The following LSAMP variants were observed in gnomAD, a reference collection of about 807,000 sequenced individuals.
LSAMP encodes the protein limbic system-associated membrane protein.
A neutral mutation model predicts 38.6 loss-of-function variants in LSAMP; 7 were observed. That is an observed-to-expected ratio of 0.18 (90% CI 0.10 to 0.34). The LOEUF (loss-of-function observed/expected upper bound fraction) is 0.34, where lower values mean the gene tolerates loss of function less well. Among genes scored for constraint, LSAMP ranks in the 10% least tolerant of loss-of-function variants. The pLI, the probability that LSAMP is intolerant of heterozygous loss-of-function variation, is 1.00. For synonymous variants in LSAMP, 154 were observed against 166.8 expected (o/e 0.92, Z 0.59); for missense variants, 313 against 420.0 (o/e 0.75, Z 2.23).
intron 1 of LSAMP, among the ~76,000 whole-genome samples, chr3:116,180,158 C>G (rs967167708): frequency 2.0e-5 from 3 of 152,036 alleles, no homozygotes; most frequent in Non-Finnish European, 4.4e-5. Context: ...ATGTCAGGTG[C>G]TATGCTTTGT....
In LSAMP at chr3:116,123,983, A is replaced by G. The variant is rs114124013; in HGVS notation, c.156-37427T>C. Among the ~76,000 whole-genome samples, 827 of 152,324 alleles carry G rather than the reference A, an allele frequency of 5.4e-3. 4 individuals carry two copies. The highest frequency in any genetic ancestry group is 0.019 in the African/African-American group (786 of 41,586). On this transcript the variant is annotated intron_variant, in intron 1 of 6. Coordinates refer to ENST00000490035, the MANE Select transcript of LSAMP (RefSeq NM_002338.5). ...TAAAAAGACTGTTCACTCAGGAACTATAAGAGTATAATTTTGGGGCAAAGG... is the reference window on the plus strand; with the variant it reads ...TAAAAAGACTGTTCACTCAGGAACTGTAAGAGTATAATTTTGGGGCAAAGG...
intron 1 of LSAMP, among the ~76,000 whole-genome samples, chr3:116,278,870 G>C (rs2047087810): frequency 2.6e-5 from 4 of 152,116 alleles, no homozygotes; most frequent in Admixed American, 2.6e-4. Flanking sequence ...TTACTCATCT[G>C]TCTCAAAGAA....
intron 6 of LSAMP, among the ~76,000 whole-genome samples, chr3:115,818,801 T>C (rs867343619): frequency 0.019 from 2,121 of 110,708 alleles, 182 homozygotes; most frequent in African/African-American, 0.051. Context: ...TATATATATA[T>C]ATATATATAT....
intron 1 of LSAMP, among the ~76,000 whole-genome samples, chr3:116,176,165 A>T (rs773020172): frequency 6.6e-6 from 1 of 152,152 alleles, no homozygotes. Flanking sequence ...CAGAAATATA[A>T]CTGGCAATTT....
At chr3:116,293,043 G>A (rs958621883) in intron 1 of LSAMP, among the ~76,000 whole-genome samples, 4 of 152,082 alleles carry the variant, frequency 2.6e-5, no homozygotes, top group Non-Finnish European at 5.9e-5. Flanking sequence ...GCCCAAAGAG[G>A]TTCATTTTAA....
At chr3:116,370,543 G>A (rs2048416596) in intron 1 of LSAMP, among the ~76,000 whole-genome samples, 1 of 152,154 alleles carries the variant, frequency 6.6e-6, no homozygotes, top group South Asian at 2.1e-4. Context: ...AACCCCCAGT[G>A]TCTTGGCAGG....
intron 1 of LSAMP, among the ~76,000 whole-genome samples, chr3:116,337,275 A>C (rs1369420075): frequency 6.6e-6 from 1 of 151,982 alleles, no homozygotes; most frequent in Non-Finnish European, 1.5e-5. Context: ...ATTATGATGT[A>C]TTTGGTACAC....
chr3:116,014,489 T>C (rs1341834157), intron 3 of LSAMP, among the ~76,000 whole-genome samples: 1 of 152,094 alleles, frequency 6.6e-6, no homozygotes, highest in Admixed American at 6.6e-5. Flanking sequence ...AATAAAAATA[T>C]TGAAAAATAA....
Position 115,806,082 on chromosome 3 carries a change from G to A in LSAMP, c.*4235C>T, listed in dbSNP as rs1266404833. 1 of 152,142 alleles carries A rather than the reference G, an allele frequency of 6.6e-6. No individual in the cohort carries two copies. The highest frequency in any genetic ancestry group is 1.5e-5 in the Non-Finnish European group (1 of 68,026). The allele number at this position is 152,142 out of a possible 1,614,324, so 9.4% of individuals were successfully genotyped here. On this transcript the variant is annotated 3_prime_UTR_variant, in exon 7 of 7. Transcript: ENST00000490035. Reference sequence around the variant, plus strand: ...GACTAAATGCAGGCTAAAAGTGTATGAGGATGAAAAGAAAAATGAGGACAT... The same window carrying A: ...GACTAAATGCAGGCTAAAAGTGTATAAGGATGAAAAGAAAAATGAGGACAT...
At chr3:115,840,360 C>T (rs906126339) in intron 6 of LSAMP, among the ~76,000 whole-genome samples, 2 of 152,072 alleles carry the variant, frequency 1.3e-5, no homozygotes, top group Non-Finnish European at 2.9e-5. Flanking sequence ...CACCCCCCCT[C>T]TCCCGCTGCC....
intron 1 of LSAMP, among the ~76,000 whole-genome samples, chr3:116,098,570 A>C (rs772229948): frequency 3.3e-5 from 5 of 152,164 alleles, no homozygotes; most frequent in Admixed American, 6.5e-5. Flanking sequence ...TAATCATAAG[A>C]ATTTTTTTAT....
chr3:116,391,733 G>A (rs1459918734), intron 1 of LSAMP, among the ~76,000 whole-genome samples: 2 of 152,198 alleles, frequency 1.3e-5, no homozygotes, highest in African/African-American at 4.8e-5. Context: ...GGAGCATGGG[G>A]GCTGAGCCCG....
intron 1 of LSAMP, among the ~76,000 whole-genome samples, chr3:116,278,880 A>AC (rs2047087950): frequency 6.6e-6 from 1 of 152,210 alleles, no homozygotes; most frequent in Non-Finnish European, 1.5e-5. Flanking sequence ...GTCTCAAAGA[A>AC]GATGGATAGC....
At chr3:116,345,368 T>C (rs185695941) in intron 1 of LSAMP, among the ~76,000 whole-genome samples, 39 of 152,290 alleles carry the variant, frequency 2.6e-4, no homozygotes, top group Admixed American at 9.2e-4. Context: ...TCTGCAGGGC[T>C]GTCAACCCCT....
chr3:116,108,898 C>A (rs1380941356), intron 1 of LSAMP, among the ~76,000 whole-genome samples: 1 of 152,052 alleles, frequency 6.6e-6, no homozygotes, highest in Non-Finnish European at 1.5e-5. Flanking sequence ...CAAGGAATTG[C>A]AACTTTTTTC....
At chr3:116,131,105 C>T (rs983857763) in intron 1 of LSAMP, among the ~76,000 whole-genome samples, 2 of 151,584 alleles carry the variant, frequency 1.3e-5, no homozygotes, top group African/African-American at 4.9e-5. Flanking sequence ...ATTCTCCTGC[C>T]TCAGCCTCCC....
At chr3:115,911,246 G>A (rs929195407) in intron 3 of LSAMP, among the ~76,000 whole-genome samples, 5 of 152,160 alleles carry the variant, frequency 3.3e-5, no homozygotes, top group African/African-American at 1.2e-4. Flanking sequence ...TTGCTATGTA[G>A]TGTTTTGTGG....
intron 6 of LSAMP, among the ~76,000 whole-genome samples, chr3:115,817,090 C>G (rs552276102): frequency 2.4e-4 from 37 of 152,338 alleles, no homozygotes; most frequent in Non-Finnish European, 8.8e-5. Context: ...CAACTTAAAA[C>G]CTTCACGCTT....
chr3:116,029,944 C>G (rs1160783559), intron 2 of LSAMP, among the ~76,000 whole-genome samples: 1 of 152,096 alleles, frequency 6.6e-6, no homozygotes, highest in East Asian at 1.9e-4. Context: ...TCCCTAGAGA[C>G]TCATCCAGAC....
Sources: allele counts gnomAD v4.1 joint callset (sites outside exome capture counted in the v4.1 genomes callset), GRCh38; gene constraint gnomAD v4.1.1; transcripts MANE v1.5; gene names NCBI Gene and HGNC (gene_info 2026-07-23, HGNC 2026-07-21).